Variants in PRSS3 observed in about 807,000 individuals in gnomAD.
PRSS3 encodes serine protease 3.
PRSS3 carries 14 observed loss-of-function variants against 20.8 expected under a neutral mutation model. The observed-to-expected ratio is 0.67, with a 90% CI of 0.44 to 1.05. The LOEUF (loss-of-function observed/expected upper bound fraction) is 1.05. Ranked by LOEUF, PRSS3 falls within the 50% of genes least tolerant of loss-of-function variation. The pLI is 0.00. For synonymous variants in PRSS3, 91 were observed against 117.6 expected (o/e 0.77, Z 1.46); for missense variants, 237 against 306.4 (o/e 0.77, Z 1.69).
At chr9:33,781,229 A>C (rs1404042312) in intron 1 of PRSS3, among the ~76,000 whole-genome samples, 5 of 152,212 alleles carry the variant, frequency 3.3e-5, no homozygotes, top group Admixed American at 2.0e-4. Flanking sequence ...ACCAAAATGC[A>C]CTCATATGTT....
chr9:33,767,825 GA>G (rs942197956), intron 1 of PRSS3, among the ~76,000 whole-genome samples: 6 of 146,082 alleles, frequency 4.1e-5, no homozygotes, highest in African/African-American at 1.5e-4. Flanking sequence ...ACCTCTGTCT[GA>G]AAAAAAAAGG....
At chr9:33,783,807 G>T (rs575852613) in intron 1 of PRSS3, among the ~76,000 whole-genome samples, 1 of 150,926 alleles carries the variant, frequency 6.6e-6, no homozygotes, top group Non-Finnish European at 1.5e-5. Context: ...GGAGAATGGC[G>T]TGAATCCAGG....
At chr9:33,765,258 A>C (rs1823365367) in intron 1 of PRSS3, among the ~76,000 whole-genome samples, 1 of 152,216 alleles carries the variant, frequency 6.6e-6, no homozygotes, top group African/African-American at 2.4e-5. Context: ...AGATGTATAT[A>C]CCTATGATAA....
chr9:33,766,337 G>T (rs966470818), intron 1 of PRSS3, among the ~76,000 whole-genome samples: 5 of 151,464 alleles, frequency 3.3e-5, no homozygotes, highest in Admixed American at 6.6e-5. Flanking sequence ...ACTTTGGGAG[G>T]CCGAGGTGGG....
intron 1 of PRSS3, among the ~76,000 whole-genome samples, chr9:33,760,745 CA>C (rs61678518): frequency 0.24 from 23,869 of 101,012 alleles, 1,830 homozygotes; most frequent in Middle Eastern, 0.29. Context: ...GACTCTGTCA[CA>C]AAAAAAAAAA....
At chr9:33,796,577 G>A (rs796318335) in intron 1 of PRSS3, 66 bp from the exon 2 acceptor site, 26 of 1,597,372 alleles carry the variant, frequency 1.6e-5, no homozygotes, top group South Asian at 3.3e-5. Context: ...GGAAGCAACC[G>A]CAGGCTGGGA....
chr9:33,795,281 T>C (rs1824853273), upstream of PRSS3, among the ~76,000 whole-genome samples: 1 of 151,912 alleles, frequency 6.6e-6, no homozygotes. Flanking sequence ...AAAGCCCAGC[T>C]GTGTGATCCG....
upstream of PRSS3, chr9:33,795,468 G>A: frequency 6.7e-7 from 1 of 1,496,994 alleles, no homozygotes; most frequent in South Asian, 1.1e-5. Context: ...AGGTGTGTTT[G>A]TGCTGGGAAG....
At chr9:33,756,235 A>G (rs911416728) in intron 1 of PRSS3, among the ~76,000 whole-genome samples, 4 of 151,676 alleles carry the variant, frequency 2.6e-5, no homozygotes, top group African/African-American at 7.3e-5. Flanking sequence ...ATTTTATTCT[A>G]TTTTCTTATG....
At chr9:33,752,141 C>T (rs1193223031) in intron 1 of PRSS3, among the ~76,000 whole-genome samples, 1 of 152,072 alleles carries the variant, frequency 6.6e-6, no homozygotes, top group Admixed American at 6.5e-5. Context: ...AACAGTGCCC[C>T]CACTTACTTA....
chr9:33,798,784 C>T (rs1387403141), intron 4 of PRSS3, 162 bp downstream of exon 4: 1 of 1,240,624 alleles, frequency 8.1e-7, no homozygotes, highest in Non-Finnish European at 1.1e-6. Context: ...CTGCATTGCC[C>T]CCATGGAGAA....
At chr9:33,793,831 A>G (rs989794176), upstream of PRSS3, 1 of 498,410 alleles carries the variant, frequency 2.0e-6, no homozygotes, top group African/African-American at 2.1e-5. Context: ...CACAATTAGC[A>G]TGTTTGTGGG....
intron 1 of PRSS3, among the ~76,000 whole-genome samples, chr9:33,755,295 A>G (rs960717269): frequency 2.6e-5 from 4 of 152,236 alleles, no homozygotes; most frequent in Non-Finnish European, 5.9e-5. Flanking sequence ...AAATCAATGT[A>G]TAGCCTTAGA....
chr9:33,786,469 G>T (rs1045991463), intron 1 of PRSS3: 6 of 720,896 alleles, frequency 8.3e-6, no homozygotes, highest in Non-Finnish European at 1.5e-5. Context: ...AGATAAAGCA[G>T]AGACTTTCCC....
chr9:33,780,902 A>T (rs1824156191), intron 1 of PRSS3, among the ~76,000 whole-genome samples: 1 of 152,252 alleles, frequency 6.6e-6, no homozygotes, highest in African/African-American at 2.4e-5. Flanking sequence ...TTCTTGGCCT[A>T]TGAAAAGATT....
chr9:33,767,670 A>T (rs1012768132), intron 1 of PRSS3, among the ~76,000 whole-genome samples: 3 of 151,710 alleles, frequency 2.0e-5, no homozygotes, highest in African/African-American at 7.3e-5. Flanking sequence ...CTAAAAATAC[A>T]AAAAATTAGC....
At chr9:33,759,752 T>G (rs150104296) in intron 1 of PRSS3, among the ~76,000 whole-genome samples, 1 of 152,290 alleles carries the variant, frequency 6.6e-6, no homozygotes, top group African/African-American at 2.4e-5. Flanking sequence ...GAGATGAAGT[T>G]GTGGGAGTCA....
At chr9:33,784,741 T>C (rs1824317004) in intron 1 of PRSS3, among the ~76,000 whole-genome samples, 1 of 152,214 alleles carries the variant, frequency 6.6e-6, no homozygotes, top group Non-Finnish European at 1.5e-5. Context: ...TAGAGTTCCC[T>C]AGTATTCTTT....
At chr9:33,783,896 A>G (rs1230594971) in intron 1 of PRSS3, among the ~76,000 whole-genome samples, 2 of 152,102 alleles carry the variant, frequency 1.3e-5, no homozygotes, top group African/African-American at 4.8e-5. Context: ...TCTCAAAAAA[A>G]AAAAAAAAAA....
Sources: gnomAD v4.1 joint callset for allele counts (sites outside exome capture counted in the v4.1 genomes callset) on GRCh38, gnomAD v4.1.1 for gene constraint, MANE v1.5 for transcripts, NCBI Gene and HGNC (gene_info 2026-07-23, HGNC 2026-07-21) for gene names.